TPGS2: variants seen among roughly 807,000 people sequenced by gnomAD.
TPGS2 encodes the protein polyglutamylase subunit 2.
TPGS2 carries 26 observed loss-of-function variants against 31.1 expected under a neutral mutation model. The ratio of observed to expected loss-of-function variants is 0.84; its 90% CI spans 0.61 to 1.16. The LOEUF is 1.16. TPGS2 is among the 50% of genes most tolerant of loss of function. The pLI is 0.00. For missense variants in TPGS2, 351 were observed against 363.8 expected (o/e 0.96, Z 0.29); for synonymous variants, 130 against 136.6 (o/e 0.95, Z 0.34).
chr18:36,821,066 C>A (rs951958707), intron 1 of TPGS2: 3 of 152,214 alleles, frequency 2.0e-5, no homozygotes, highest in African/African-American at 7.2e-5. Context: ...TAGCACTTCT[C>A]ATTGAGAGGT....
Position 36,794,275 on chromosome 18 carries a change from T to A in TPGS2, c.*2530A>T. On this transcript the variant is annotated 3_prime_UTR_variant, in exon 7 of 7. Coordinates refer to ENST00000334295, the MANE Select transcript of TPGS2 (RefSeq NM_015476.4). ...TTGCACAAAAGCCTCACATCTTCAT[T>A]TTGTACTGGATCCTGCACTGAGTGG... is the stretch of plus-strand genomic sequence containing the variant. The A allele has an allele frequency of 4.1e-6, 4 of 985,456 alleles. No homozygotes were observed. The highest frequency in any genetic ancestry group is 2.4e-6 in the Non-Finnish European group (2 of 829,912). 61.0% of individuals were successfully genotyped at this position (985,456 alleles called of 1,614,324 possible). A position where few individuals can be genotyped will look rare whatever the true frequency, so the allele number is the denominator to read the frequency against.
At chr18:36,799,153 C>CCTAT (rs1284194867) in intron 5 of TPGS2, among the ~76,000 whole-genome samples, 1 of 152,160 alleles carries the variant, frequency 6.6e-6, no homozygotes, top group African/African-American at 2.4e-5. Context: ...CTACTTCAAG[C>CCTAT]CTATCTTACT....
downstream of TPGS2, among the ~76,000 whole-genome samples, chr18:36,792,617 A>G (rs2044353906): frequency 6.6e-6 from 1 of 152,204 alleles, no homozygotes; most frequent in South Asian, 2.1e-4. Context: ...ACTTCAGTTG[A>G]TTAAAAATCT....
chr18:36,784,098 C>T (rs764743018), intron 6 of TPGS2, among the ~76,000 whole-genome samples: 2 of 152,052 alleles, frequency 1.3e-5, no homozygotes, highest in African/African-American at 4.8e-5. Flanking sequence ...CACAGCCGCT[C>T]GACACCTTGA....
downstream of TPGS2, among the ~76,000 whole-genome samples, chr18:36,782,154 G>A (rs1268236998): frequency 1.3e-5 from 2 of 152,296 alleles, no homozygotes; most frequent in African/African-American, 4.8e-5. Flanking sequence ...CCTCCTGAGG[G>A]TCCTTGGTAT....
intron 6 of TPGS2, among the ~76,000 whole-genome samples, chr18:36,788,201 C>T (rs1320461363): frequency 6.8e-6 from 1 of 148,090 alleles, no homozygotes; most frequent in African/African-American, 2.5e-5. Flanking sequence ...AGGCCACAGC[C>T]ATCTATTTTA....
chr18:36,822,593 A>C (rs1316696494), intron 1 of TPGS2, among the ~76,000 whole-genome samples: 1 of 152,198 alleles, frequency 6.6e-6, no homozygotes, highest in East Asian at 1.9e-4. Flanking sequence ...TAGGTGACAT[A>C]AACCTATGTG....
At chr18:36,828,336 C>G (rs2046287880) in intron 1 of TPGS2, among the ~76,000 whole-genome samples, 1 of 152,134 alleles carries the variant, frequency 6.6e-6, no homozygotes. Context: ...GGATAATGCC[C>G]TGGCTGAGAA....
chr18:36,781,708 T>C, downstream of TPGS2: 5 of 947,202 alleles, frequency 5.3e-6, no homozygotes, highest in Non-Finnish European at 6.3e-6. Context: ...TTATAGGCAA[T>C]GTGCAGTAGC....
At chr18:36,826,963 C>CT (rs1013138875) in intron 1 of TPGS2, among the ~76,000 whole-genome samples, 5 of 151,760 alleles carry the variant, frequency 3.3e-5, no homozygotes, top group African/African-American at 7.3e-5. Flanking sequence ...TTGTCAAATG[C>CT]TTTTTTTATT....
In TPGS2 at chr18:36,807,859, C is replaced by T; in HGVS notation, c.241G>A (p.Val81Met). 1 of 1,614,098 alleles carries T rather than the reference C, an allele frequency of 6.2e-7. No homozygotes were observed. Among genetic ancestry groups the T allele is most frequent in the Non-Finnish European group, 8.5e-7 (1 of 1,179,980 alleles). ...MTNGFHMTWS[V>M]KLDEHIIPLG... ...GAGGCTGACTCACCATCCAGCTTCA[C>T]ACTCCATGTCATGTGGAAGCCATTG... is the stretch of plus-strand genomic sequence containing the variant. Residue 81 changes from valine to methionine, a missense_variant, in exon 3 of 7, where the codon GTG (valine) becomes ATG (methionine). Physicochemically the swap from Val to Met is conservative, Grantham distance 21. Coordinates refer to ENST00000334295, the MANE Select transcript of TPGS2 (RefSeq NM_015476.4).
chr18:36,800,190 A>C lies in TPGS2; in HGVS notation c.496+8T>G, dbSNP rs1331630186. 1 of 1,613,550 alleles carries C rather than the reference A, an allele frequency of 6.2e-7. No homozygotes were observed. Among genetic ancestry groups the C allele is most frequent in the Non-Finnish European group, 8.5e-7 (1 of 1,179,516 alleles). ...AACTACGGGACCACGCTTGTAAACA[A>C]TTCTTACCTGGTTTCCCACTTTTGT... On this transcript the variant is annotated splice_region_variant and intron_variant, in intron 5 of 6. Coordinates refer to ENST00000334295, the MANE Select transcript of TPGS2 (RefSeq NM_015476.4).
chr18:36,781,655 T>C, downstream of TPGS2: 1 of 683,338 alleles, frequency 1.5e-6, no homozygotes, highest in Non-Finnish European at 1.8e-6. Context: ...AAAAATAAAA[T>C]AGCCTCTGCG....
chr18:36,797,006 C>T lies in TPGS2; in HGVS notation c.702G>A (p.Leu234=), dbSNP rs918078314. 6.2e-7 allele frequency: 1 copy of T among 1,600,308 alleles called. No homozygotes were observed. Among genetic ancestry groups the T allele is most frequent in the East Asian group, 2.2e-5 (1 of 44,758 alleles). The stretch of plus-strand genomic sequence containing the variant: ...CAAAGGAGTCGGTCTCTTCTGTGAG[C>T]AGGTTTGTGTTGTAGGTGATAGGTT... ...MYKPITYNTN[L]LTEETDSFVN... The change falls in exon 7 of 7, where the codon CTG becomes CTA. Residue 234 remains leucine (L), a synonymous_variant. Coordinates refer to ENST00000334295, the MANE Select transcript of TPGS2 (RefSeq NM_015476.4).
chr18:36,807,187 A>G (rs976133206), intron 3 of TPGS2, among the ~76,000 whole-genome samples: 4 of 152,150 alleles, frequency 2.6e-5, no homozygotes, highest in Non-Finnish European at 4.4e-5. Flanking sequence ...AGGGTTTTCT[A>G]GACTATGAAA....
chr18:36,782,812 C>A (rs1475133465), downstream of TPGS2, among the ~76,000 whole-genome samples: 2 of 152,196 alleles, frequency 1.3e-5, no homozygotes, highest in Non-Finnish European at 2.9e-5. Context: ...TTGAGTCCCT[C>A]ACTAAACATT....
chr18:36,790,502 C>T (rs2044272553), downstream of TPGS2, among the ~76,000 whole-genome samples: 1 of 152,190 alleles, frequency 6.6e-6, no homozygotes, highest in Admixed American at 6.5e-5. Flanking sequence ...TGTGAGTTTA[C>T]AAAGATCCCA....
chr18:36,822,225 G>A (rs1661488944), intron 1 of TPGS2, among the ~76,000 whole-genome samples: 1 of 152,164 alleles, frequency 6.6e-6, no homozygotes, highest in African/African-American at 2.4e-5. Context: ...GGCTTTCCGG[G>A]GAAGAAACAC....
At chr18:36,802,061 T>C (rs1453449753) in intron 4 of TPGS2, among the ~76,000 whole-genome samples, 1 of 152,240 alleles carries the variant, frequency 6.6e-6, no homozygotes, top group African/African-American at 2.4e-5. Context: ...TCTCTTCTTC[T>C]GCAATGTCTT....
Sources: gnomAD v4.1 joint callset for allele counts (sites outside exome capture counted in the v4.1 genomes callset) on GRCh38, gnomAD v4.1.1 for gene constraint, MANE v1.5 for transcripts, NCBI Gene and HGNC (gene_info 2026-07-23, HGNC 2026-07-21) for gene names.